Variants in SMAD2 observed in about 807,000 individuals in gnomAD.
SMAD2 encodes the protein SMAD family member 2.
In SMAD2, 8 loss-of-function variants were observed where a neutral mutation model predicts 64.4. That is an observed-to-expected ratio of 0.12 (90% CI 0.07 to 0.22). The LOEUF is 0.22. SMAD2 is among the 10% of genes least tolerant of loss of function. SMAD2 has a pLI of 1.00. For missense variants in SMAD2, 289 were observed against 561.2 expected (o/e 0.51, Z 4.90); for synonymous variants, 203 against 195.8 (o/e 1.04, Z -0.31).
At chr18:47,925,293 C>T (rs527534384) in intron 1 of SMAD2, among the ~76,000 whole-genome samples, 6 of 152,274 alleles carry the variant, frequency 3.9e-5, no homozygotes, top group South Asian at 2.1e-4. Flanking sequence ...GAATTAATCA[C>T]GTCAGAATTT....
chr18:47,905,884 G>C (rs2033882158), intron 1 of SMAD2, among the ~76,000 whole-genome samples: 4 of 152,138 alleles, frequency 2.6e-5, no homozygotes. Context: ...GGCCAAAATA[G>C]GAGGACTGCT....
rs1913323383 is a variant in SMAD2, at chr18:47,835,396, A to G, written c.*6431T>C. 1 of 202,556 alleles carries G rather than the reference A, an allele frequency of 4.9e-6. No homozygotes were observed. The highest frequency in any genetic ancestry group is 1.9e-4 in the South Asian group (1 of 5,290). 12.5% of individuals were successfully genotyped at this position (202,556 alleles called of 1,614,324 possible). On this transcript the variant is annotated 3_prime_UTR_variant, in exon 11 of 11. Coordinates refer to ENST00000262160, the MANE Select transcript of SMAD2 (RefSeq NM_005901.6). ...GGATTTCCACATTCTTAAAGCAGGAACCTATATTCACCAGAAAAGGATCCT... is the reference window on the plus strand; with the variant it reads ...GGATTTCCACATTCTTAAAGCAGGAGCCTATATTCACCAGAAAAGGATCCT...
chr18:47,856,655 T>C (rs1452110044), intron 6 of SMAD2, among the ~76,000 whole-genome samples: 1 of 152,146 alleles, frequency 6.6e-6, no homozygotes, highest in African/African-American at 2.4e-5. Flanking sequence ...AGACATATAG[T>C]GTAATAAACA....
chr18:47,869,530 T>C, intron 3 of SMAD2, 94 bp from the exon 4 acceptor site: 3 of 856,034 alleles, frequency 3.5e-6, no homozygotes, highest in Non-Finnish European at 5.5e-6. Flanking sequence ...AATAAAAGCA[T>C]AAAGAAAAGA....
At chr18:47,928,974 A>G (rs553177578) in intron 1 of SMAD2, among the ~76,000 whole-genome samples, 1 of 152,370 alleles carries the variant, frequency 6.6e-6, no homozygotes, top group Non-Finnish European at 1.5e-5. Context: ...AGTTTACGGC[A>G]ACGGCTAAGG....
intron 1 of SMAD2, among the ~76,000 whole-genome samples, chr18:47,897,113 CAATT>C (rs2033472629): frequency 6.6e-6 from 1 of 152,120 alleles, no homozygotes; most frequent in Non-Finnish European, 1.5e-5. Flanking sequence ...TTAGTAGTGT[CAATT>C]AAAATATTTT....
At chr18:47,844,304 A>C (rs1216174165) in intron 10 of SMAD2, among the ~76,000 whole-genome samples, 1 of 152,162 alleles carries the variant, frequency 6.6e-6, no homozygotes, top group Non-Finnish European at 1.5e-5. Flanking sequence ...AAAACAAATA[A>C]ATTTGGAAGG....
chr18:47,920,843 A>G (rs2034531206), intron 1 of SMAD2, among the ~76,000 whole-genome samples: 1 of 152,230 alleles, frequency 6.6e-6, no homozygotes, highest in Non-Finnish European at 1.5e-5. Context: ...GAAACATTCA[A>G]CAGAGGACTG....
chr18:47,846,478 T>C (rs1299075019), intron 8 of SMAD2, among the ~76,000 whole-genome samples: 2 of 152,210 alleles, frequency 1.3e-5, no homozygotes, highest in African/African-American at 2.4e-5. Flanking sequence ...TAGGTGCTGC[T>C]GTTAAGGATT....
Position 47,831,622 on chromosome 18 carries a change from TTC to T in SMAD2, c.*10203_*10204del, listed in dbSNP as rs776753659. Reference sequence around the variant, plus strand: ...GTTTGGACGGGAGCACAGTAATACATTCTGTTCTCATGTAGCTTCCTAAGTAT... The same window carrying T: ...GTTTGGACGGGAGCACAGTAATACATTGTTCTCATGTAGCTTCCTAAGTAT... On this transcript the variant is annotated 3_prime_UTR_variant, in exon 11 of 11. Transcript: ENST00000262160. The T allele has an allele frequency of 6.6e-6, 1 of 152,204 alleles. No individual in the cohort carries two copies. The highest frequency in any genetic ancestry group is 6.5e-5 in the Admixed American group (1 of 15,276). 9.4% of individuals were successfully genotyped at this position (152,204 alleles called of 1,614,324 possible). A position where few individuals can be genotyped will look rare whatever the true frequency, so the allele number is the denominator to read the frequency against.
chr18:47,911,060 T>C (rs1277774544), intron 1 of SMAD2, among the ~76,000 whole-genome samples: 2 of 152,116 alleles, frequency 1.3e-5, no homozygotes, highest in African/African-American at 2.4e-5. Context: ...TAGAAAATAA[T>C]GGCCATAACT....
chr18:47,843,638 C>T (rs1914190999), intron 10 of SMAD2, among the ~76,000 whole-genome samples: 2 of 152,208 alleles, frequency 1.3e-5, no homozygotes, highest in South Asian at 4.1e-4. Flanking sequence ...TTCCTGGTAG[C>T]TACCCACATA....
At chr18:47,925,384 C>T (rs1198732112) in intron 1 of SMAD2, among the ~76,000 whole-genome samples, 1 of 152,138 alleles carries the variant, frequency 6.6e-6, no homozygotes, top group African/African-American at 2.4e-5. Flanking sequence ...TAAGAGGAAC[C>T]CACTGAGCCA....
chr18:47,894,724 T>C (rs534572384), intron 2 of SMAD2, among the ~76,000 whole-genome samples: 1 of 152,316 alleles, frequency 6.6e-6, no homozygotes, highest in African/African-American at 2.4e-5. Context: ...AACCATCTTT[T>C]TCTAAGTTTA....
intron 1 of SMAD2, among the ~76,000 whole-genome samples, chr18:47,917,471 A>G (rs1268347894): frequency 6.6e-6 from 1 of 152,072 alleles, no homozygotes; most frequent in African/African-American, 2.4e-5. Context: ...GTTTATGGAG[A>G]TATTTCAGCT....
chr18:47,922,658 A>G (rs2034608784), intron 1 of SMAD2: 1 of 152,226 alleles, frequency 6.6e-6, no homozygotes, highest in South Asian at 2.1e-4. Context: ...CAAACATACT[A>G]CAAGGCAGAG....
At chr18:47,902,849 C>T (rs961394748) in intron 1 of SMAD2, among the ~76,000 whole-genome samples, 1 of 152,170 alleles carries the variant, frequency 6.6e-6, no homozygotes, top group South Asian at 2.1e-4. Flanking sequence ...CCTGGTGGAG[C>T]GGCTAGTGAG....
chr18:47,927,040 G>T (rs2034794330), intron 1 of SMAD2, among the ~76,000 whole-genome samples: 1 of 152,166 alleles, frequency 6.6e-6, no homozygotes, highest in Non-Finnish European at 1.5e-5. Context: ...ACATGAGACT[G>T]CTGTCCAATC....
At chr18:47,885,130 TATACACACACAC>T (rs1402684233) in intron 2 of SMAD2, among the ~76,000 whole-genome samples, 679 of 64,268 alleles carry the variant, frequency 0.011, 2 homozygotes, top group Middle Eastern at 0.043. Context: ...GATTTAGTCA[TATACACACACAC>T]ACACACACAC....
Sources: allele counts gnomAD v4.1 joint callset (sites outside exome capture counted in the v4.1 genomes callset), GRCh38; gene constraint gnomAD v4.1.1; transcripts MANE v1.5; gene names NCBI Gene and HGNC (gene_info 2026-07-23, HGNC 2026-07-21).